LRRC3B: variants seen among roughly 807,000 people sequenced by gnomAD.
LRRC3B encodes the protein leucine-rich repeat-containing protein 3B.
A neutral mutation model predicts 12.8 loss-of-function variants in LRRC3B; 2 were observed. That is an observed-to-expected ratio of 0.16 (90% CI 0.06 to 0.49). The LOEUF is 0.49. Among genes scored for constraint, LRRC3B ranks in the 20% least tolerant of loss-of-function variants. LRRC3B has a pLI of 0.96. For missense variants in LRRC3B, 189 were observed against 319.4 expected, an observed-to-expected ratio of 0.59 and a Z score of 3.11; for synonymous variants, 132 against 122.0, an observed-to-expected ratio of 1.08 and a Z score of -0.54.
intron 1 of LRRC3B, among the ~76,000 whole-genome samples, chr3:26,657,353 C>T (rs1166005887): frequency 6.6e-6 from 1 of 152,124 alleles, no homozygotes; most frequent in African/African-American, 2.4e-5. Context: ...ACAGTGCATA[C>T]CTGATTGATT....
intron 1 of LRRC3B, among the ~76,000 whole-genome samples, chr3:26,665,806 A>G (rs1289253461): frequency 2.0e-5 from 3 of 152,192 alleles, no homozygotes; most frequent in African/African-American, 7.2e-5. Flanking sequence ...GTTCTTTGTA[A>G]GAGTTCATGG....
chr3:26,675,251 T>C (rs2030374220), intron 1 of LRRC3B, among the ~76,000 whole-genome samples: 1 of 152,192 alleles, frequency 6.6e-6, no homozygotes, highest in Admixed American at 6.5e-5. Context: ...AAGCCAATGA[T>C]TCTTAAAATC....
chr3:26,709,729 A>G (rs766634098), exon 2 of LRRC3B: 2 of 1,613,812 alleles, frequency 1.2e-6, no homozygotes, highest in African/African-American at 1.3e-5. Context: ...TCCTCCTACA[A>G]AGTTTTGTTC....
intron 1 of LRRC3B, among the ~76,000 whole-genome samples, chr3:26,642,971 C>A (rs1257676453): frequency 2.0e-5 from 3 of 149,566 alleles, no homozygotes; most frequent in African/African-American, 7.5e-5. Context: ...GAGCCGAGAT[C>A]ACACCACTGC....
At chr3:26,651,242 C>G (rs909338014) in intron 1 of LRRC3B, among the ~76,000 whole-genome samples, 1 of 152,186 alleles carries the variant, frequency 6.6e-6, no homozygotes, top group African/African-American at 2.4e-5. Flanking sequence ...TAGTGAAGAA[C>G]AATTTTCTGG....
intron 1 of LRRC3B, among the ~76,000 whole-genome samples, chr3:26,690,913 A>AT (rs1365754245): frequency 6.6e-6 from 1 of 151,640 alleles, no homozygotes; most frequent in East Asian, 1.9e-4. Flanking sequence ...CATTGATACT[A>AT]TTTAGGCAAC....
intron 1 of LRRC3B, among the ~76,000 whole-genome samples, chr3:26,702,026 T>G (rs753511767): frequency 6.6e-6 from 1 of 152,190 alleles, no homozygotes; most frequent in East Asian, 1.9e-4. Flanking sequence ...TGTGTTATAA[T>G]GAAATGAGAA....
intron 1 of LRRC3B, among the ~76,000 whole-genome samples, chr3:26,657,406 T>C: frequency 6.6e-6 from 1 of 152,340 alleles, no homozygotes; most frequent in South Asian, 2.1e-4. Context: ...AAATTTACTT[T>C]GGGTCAATGA....
chr3:26,694,296 G>T (rs1403453001), intron 1 of LRRC3B, among the ~76,000 whole-genome samples: 1 of 152,194 alleles, frequency 6.6e-6, no homozygotes, highest in East Asian at 1.9e-4. Flanking sequence ...GCCTTCAGCA[G>T]GGAGCCAAAT....
At chr3:26,645,641 CT>C (rs1699127765) in intron 1 of LRRC3B, among the ~76,000 whole-genome samples, 1 of 151,928 alleles carries the variant, frequency 6.6e-6, no homozygotes, top group Non-Finnish European at 1.5e-5. Context: ...TGCTCTTAGG[CT>C]CTGGAGGTAA....
intron 1 of LRRC3B, among the ~76,000 whole-genome samples, chr3:26,653,823 A>G (rs1699314795): frequency 1.3e-5 from 2 of 152,230 alleles, no homozygotes; most frequent in African/African-American, 2.4e-5. Context: ...AGTAGTTAGC[A>G]TGACCACACA....
chr3:26,681,503 AG>A (rs2125441697), intron 1 of LRRC3B, among the ~76,000 whole-genome samples: 1 of 152,338 alleles, frequency 6.6e-6, no homozygotes, highest in Non-Finnish European at 1.5e-5. Context: ...GATTGAAATC[AG>A]GCTTAGCAAT....
intron 1 of LRRC3B, among the ~76,000 whole-genome samples, chr3:26,639,496 T>TTTAAATTAAATTAAATTTAAA (rs1553601645): frequency 7.1e-6 from 1 of 140,706 alleles, no homozygotes; most frequent in Non-Finnish European, 1.5e-5. Flanking sequence ...TTAAATTAAA[T>TTTAAATTAAATTAAATTTAAA]TTAAATTAAA....
At chr3:26,686,433 T>G (rs1448780585) in intron 1 of LRRC3B, among the ~76,000 whole-genome samples, 2 of 152,320 alleles carry the variant, frequency 1.3e-5, no homozygotes, top group East Asian at 3.9e-4. Flanking sequence ...TCAACACTGC[T>G]TCTTTATATA....
rs546960651 is a variant in LRRC3B at position 26,670,599 on chromosome 3, G to C, written c.-160-38914G>C. ...ATGTCAGTAATTATTACTACATCAA[G>C]GGTTTTATTAAGCTGGAGGCAAAGA... On this transcript the variant is annotated intron_variant, in intron 1 of 1. Transcript: ENST00000396641. Among the ~76,000 whole-genome samples, 20 of 152,214 alleles carry C rather than the reference G, an allele frequency of 1.3e-4. No individual in the cohort carries two copies. The South Asian group carries it at 3.9e-3, about 30-fold the overall frequency.
At chr3:26,658,267 C>G (rs1699417797) in intron 1 of LRRC3B, among the ~76,000 whole-genome samples, 1 of 152,156 alleles carries the variant, frequency 6.6e-6, no homozygotes, top group Non-Finnish European at 1.5e-5. Context: ...ACCATGTTAG[C>G]CAGAATGGTC....
At chr3:26,680,245 A>G (rs1202778639) in intron 1 of LRRC3B, among the ~76,000 whole-genome samples, 1 of 152,020 alleles carries the variant, frequency 6.6e-6, no homozygotes, top group Non-Finnish European at 1.5e-5. Flanking sequence ...CTCCACCCCC[A>G]CTTCCCAGTA....
intron 1 of LRRC3B, among the ~76,000 whole-genome samples, chr3:26,680,576 C>T (rs985724349): frequency 9.2e-5 from 14 of 152,212 alleles, no homozygotes; most frequent in African/African-American, 3.4e-4. Flanking sequence ...TCCCCAACGC[C>T]TCTCCGTCAT....
At chr3:26,688,366 C>T (rs1700126733) in intron 1 of LRRC3B, among the ~76,000 whole-genome samples, 1 of 152,182 alleles carries the variant, frequency 6.6e-6, no homozygotes. Flanking sequence ...TATTTGCCAG[C>T]ACCAATAAAA....
Sources: allele counts gnomAD v4.1 joint callset (sites outside exome capture counted in the v4.1 genomes callset), GRCh38; gene constraint gnomAD v4.1.1; transcripts MANE v1.5; gene names NCBI Gene and HGNC (gene_info 2026-07-23, HGNC 2026-07-21).